Variants in PGAP4 observed in about 807,000 individuals in gnomAD.
PGAP4 encodes the protein GPI-N-acetylgalactosamine transferase PGAP4.
PGAP4 carries 12 observed loss-of-function variants against 28.2 expected under a neutral mutation model. That is an observed-to-expected ratio of 0.42 (90% confidence interval 0.27 to 0.69). The LOEUF (loss-of-function observed/expected upper bound fraction) is 0.69, where lower values mean the gene tolerates loss of function less well. Ranked by LOEUF, PGAP4 falls within the 30% of genes least tolerant of loss-of-function variation. PGAP4 has a pLI of 0.22. For missense variants in PGAP4, 425 were observed against 513.5 expected (o/e 0.83, Z 1.67); for synonymous variants, 205 against 211.8 (o/e 0.97, Z 0.28).
intron 2 of PGAP4, among the ~76,000 whole-genome samples, chr9:101,494,755 C>T (rs148583294): frequency 6.6e-6 from 1 of 151,704 alleles, no homozygotes; most frequent in Non-Finnish European, 1.5e-5. Context: ...ATAACAAGGA[C>T]TCAGAATAGC....
chr9:101,479,828 C>G (rs1826431350), intron 1 of PGAP4: 1 of 152,138 alleles, frequency 6.6e-6, no homozygotes, highest in Non-Finnish European at 1.5e-5. Context: ...TGCCACATGC[C>G]CCTCCTTCTA....
At chr9:101,520,667 T>A (rs1169667688) in intron 2 of PGAP4, among the ~76,000 whole-genome samples, 1 of 152,294 alleles carries the variant, frequency 6.6e-6, no homozygotes, top group Non-Finnish European at 1.5e-5. Flanking sequence ...CAGCAAACAG[T>A]GACAGTTTGA....
chr9:101,492,427 C>T (rs555386407), intron 2 of PGAP4, among the ~76,000 whole-genome samples: 7 of 152,246 alleles, frequency 4.6e-5, no homozygotes, highest in Admixed American at 3.3e-4. Flanking sequence ...ATCCTGACCT[C>T]GTGATCCGCC....
intron 1 of PGAP4, among the ~76,000 whole-genome samples, chr9:101,481,206 A>AAAAGAT (rs561985062): frequency 7.2e-4 from 109 of 152,330 alleles, no homozygotes; most frequent in Non-Finnish European, 1.3e-3. Context: ...ACACAAACAA[A>AAAAGAT]AAAAGATAAA....
chr9:101,479,795 G>A (rs1826430382), intron 1 of PGAP4: 1 of 152,228 alleles, frequency 6.6e-6, no homozygotes, highest in African/African-American at 2.4e-5. Context: ...GTCAGCTCCA[G>A]AATGTAGGTC....
intron 2 of PGAP4, among the ~76,000 whole-genome samples, chr9:101,513,315 T>G (rs1826913885): frequency 6.6e-6 from 1 of 152,166 alleles, no homozygotes; most frequent in Non-Finnish European, 1.5e-5. Flanking sequence ...CCTAATCTTG[T>G]GATTCTTCCA....
intron 2 of PGAP4, chr9:101,501,815 C>G: frequency 9.8e-6 from 5 of 507,836 alleles, no homozygotes; most frequent in Non-Finnish European, 2.0e-5. Context: ...TGCTCTAGTA[C>G]CTCCAGCTCC....
At chr9:101,525,365 C>T (rs1454474090) in intron 2 of PGAP4, among the ~76,000 whole-genome samples, 1 of 151,810 alleles carries the variant, frequency 6.6e-6, no homozygotes, top group Non-Finnish European at 1.5e-5. Context: ...AATTTGTGTA[C>T]GTCTAAAATT....
rs1398474256 is a variant in PGAP4 at position 101,475,748 on chromosome 9, T to C, written c.*133A>G. On this transcript the variant is annotated 3_prime_UTR_variant, in exon 2 of 2. Transcript: ENST00000374848. Reference sequence around the variant, plus strand: ...AAGGCTCTTAACATATTGAGGTTCCTCAGCTGCCCCAGTGCCTATATCTCT... The same window carrying C: ...AAGGCTCTTAACATATTGAGGTTCCCCAGCTGCCCCAGTGCCTATATCTCT... The C allele has an allele frequency of 7.8e-6, 8 of 1,019,390 alleles. No homozygotes were observed. In the Admixed American group the frequency reaches 1.3e-4, roughly 16 times the overall value. 63.1% of individuals were successfully genotyped at this position (1,019,390 alleles called of 1,614,324 possible). A position where few individuals can be genotyped will look rare whatever the true frequency, so the allele number is the denominator to read the frequency against.
intron 2 of PGAP4, among the ~76,000 whole-genome samples, chr9:101,504,671 A>T (rs1929496): frequency 2.0e-5 from 3 of 151,932 alleles, no homozygotes; most frequent in African/African-American, 4.8e-5. Context: ...AACAGTGATC[A>T]GTGGGCTTTA....
chr9:101,476,500 G>A lies in PGAP4; in HGVS notation c.593C>T (p.Ser198Phe). 1.2e-6 allele frequency: 2 copies of A among 1,614,170 alleles called. No homozygotes were observed. Among genetic ancestry groups the A allele is most frequent in the Non-Finnish European group, 1.7e-6 (2 of 1,180,036 alleles). ...KQDYVYCLES[S>F]LQTYNPDYVL... ...GTAGTCTGGGTTGTAGGTCTGCAGG[G>A]ATGACTCCAGGCAATAGACATAGTC... Residue 198 changes from serine (S) to phenylalanine (F), a missense_variant, in exon 2 of 2, where the codon TCC (serine) becomes TTC (phenylalanine). Ser to Phe is a radical substitution (Grantham distance 155). Coordinates refer to ENST00000374848, the MANE Select transcript of PGAP4 (RefSeq NM_032342.3). The surrounding 1 kb of genome is among the most constrained non-coding windows in gnomAD (Gnocchi z 7.0).
chr9:101,506,769 T>C (rs577639460), intron 2 of PGAP4, among the ~76,000 whole-genome samples: 2 of 152,162 alleles, frequency 1.3e-5, no homozygotes, highest in East Asian at 3.9e-4. Context: ...TAACATCCAT[T>C]AAAGCTGGAG....
upstream of PGAP4, among the ~76,000 whole-genome samples, chr9:101,487,634 G>A (rs773287314): frequency 1.3e-5 from 2 of 152,170 alleles, no homozygotes; most frequent in Non-Finnish European, 2.9e-5. Context: ...TTCTGAATGG[G>A]TTTTCAGCAC....
intron 2 of PGAP4, among the ~76,000 whole-genome samples, chr9:101,496,925 T>C (rs1242521063): frequency 1.3e-5 from 2 of 150,534 alleles, no homozygotes; most frequent in Non-Finnish European, 3.0e-5. Context: ...ATAAAGAATG[T>C]TTTTTCATAA....
chr9:101,531,437 T>A (rs1232023673), exon 2 of PGAP4: 1 of 152,232 alleles, frequency 6.6e-6, no homozygotes, highest in Non-Finnish European at 1.5e-5. Flanking sequence ...AGGGGTGACC[T>A]AACTCAGTTG....
intron 1 of PGAP4, among the ~76,000 whole-genome samples, chr9:101,482,652 C>T (rs1394102137): frequency 6.6e-6 from 1 of 152,210 alleles, no homozygotes; most frequent in Non-Finnish European, 1.5e-5. Context: ...CCAGTTCCAA[C>T]TATCTTCCCA....
At chr9:101,515,071 C>T (rs1252389310) in intron 2 of PGAP4, among the ~76,000 whole-genome samples, 1 of 152,186 alleles carries the variant, frequency 6.6e-6, no homozygotes. Flanking sequence ...TAACAAATCA[C>T]TACAGATTCA....
At chr9:101,493,975 T>C (rs538440581) in intron 2 of PGAP4, among the ~76,000 whole-genome samples, 1 of 152,162 alleles carries the variant, frequency 6.6e-6, no homozygotes, top group South Asian at 2.1e-4. Flanking sequence ...AGGTGTATCA[T>C]AGGGTTTTTT....
chr9:101,513,689 G>T (rs1422664965), intron 2 of PGAP4, among the ~76,000 whole-genome samples: 2 of 146,500 alleles, frequency 1.4e-5, no homozygotes, highest in African/African-American at 5.2e-5. Context: ...CAGATAGGTA[G>T]ATAGATAGAC....
Sources: gnomAD v4.1 joint callset for allele counts (sites outside exome capture counted in the v4.1 genomes callset) on GRCh38, gnomAD v4.1.1 for gene constraint, Gnocchi (gnomAD v3.1) non-coding constraint, MANE v1.5 for transcripts, NCBI Gene and HGNC (gene_info 2026-07-23, HGNC 2026-07-21) for gene names.